The following ZNF568 variants were observed in gnomAD, a reference collection of about 807,000 sequenced individuals.
The protein encoded by ZNF568 is zinc finger protein 568, also known as p53 inhibitor of SCO2 activation.
Under a neutral mutation model 18.1 loss-of-function variants are expected in ZNF568, and 11 were observed. That is an observed-to-expected ratio of 0.61 (90% confidence interval 0.38 to 1.00). The LOEUF is 1.00. ZNF568 is among the 50% of genes least tolerant of loss of function. ZNF568 has a pLI of 0.01. For missense variants in ZNF568, 639 were observed against 768.2 expected (o/e 0.83, Z 1.99); for synonymous variants, 213 against 246.6 (o/e 0.86, Z 1.28).
At chr19:36,994,213 T>A (rs10409468) in intron 4 of ZNF568, among the ~76,000 whole-genome samples, 4,144 of 152,292 alleles carry the variant, frequency 0.027, 167 homozygotes, top group African/African-American at 0.092. Context: ...TTTGTGAATT[T>A]CCCAGATTTC....
At chr19:36,936,647 C>T in intron 4 of ZNF568, 99 bp from the exon 5 acceptor site, 1 of 1,173,620 alleles carries the variant, frequency 8.5e-7, no homozygotes, top group Non-Finnish European at 1.2e-6. Context: ...AGTACTCCTA[C>T]CTCTGACCCC....
intron 6 of ZNF568, among the ~76,000 whole-genome samples, chr19:36,945,205 AG>A (rs1304815851): frequency 6.2e-4 from 84 of 136,174 alleles, no homozygotes; most frequent in Non-Finnish European, 1.1e-3. Flanking sequence ...AGAGACAGAG[AG>A]AGAAGTGTGT....
chr19:36,929,546 G>A (rs1470421642), intron 4 of ZNF568, among the ~76,000 whole-genome samples: 1 of 152,054 alleles, frequency 6.6e-6, no homozygotes. Flanking sequence ...TTAGCCGGGT[G>A]TGGTCGTACA....
chr19:36,985,261 T>C (rs954449461), intron 2 of ZNF568, among the ~76,000 whole-genome samples: 2 of 152,218 alleles, frequency 1.3e-5, no homozygotes, highest in Non-Finnish European at 2.9e-5. Flanking sequence ...TTTTTTGAAA[T>C]CTACTGTCAT....
intron 2 of ZNF568, among the ~76,000 whole-genome samples, chr19:36,919,434 G>A (rs1490404183): frequency 3.3e-5 from 5 of 152,144 alleles, no homozygotes; most frequent in African/African-American, 9.7e-5. Context: ...AATTTTTCCA[G>A]GGACTGGGGG....
chr19:36,942,547 C>T (rs1164506925), intron 6 of ZNF568, among the ~76,000 whole-genome samples: 1 of 139,968 alleles, frequency 7.1e-6, no homozygotes, highest in Non-Finnish European at 1.5e-5. Context: ...TGCAGTGAGC[C>T]GAGATCACGC....
At chr19:36,927,131 G>A (rs1473041823) in intron 4 of ZNF568, among the ~76,000 whole-genome samples, 10 of 151,980 alleles carry the variant, frequency 6.6e-5, no homozygotes, top group South Asian at 6.2e-4. Flanking sequence ...TTTATTTTTT[G>A]TTGTATAGAC....
rs144100886 is a variant in ZNF568, at chr19:36,925,112, A to C, written c.77-88A>C. On this transcript the variant is annotated intron_variant, in intron 3 of 6. Transcript: ENST00000333987. ...TGCTTCAAGGATCATTCATCTGTAG[A>C]GGGTCTTCTAGCCACCTGGTACTGA... The C allele has an allele frequency of 5.6e-3, 6,271 of 1,119,670 alleles. 211 individuals are homozygous for C. In the Admixed American group the frequency reaches 0.063, roughly 11 times the overall value. 69.4% of individuals were successfully genotyped at this position (1,119,670 alleles called of 1,614,324 possible). A position where few individuals can be genotyped will look rare whatever the true frequency, so the allele number is the denominator to read the frequency against.
intron 2 of ZNF568, among the ~76,000 whole-genome samples, chr19:36,989,362 T>C (rs1306189992): frequency 6.6e-6 from 1 of 151,960 alleles, no homozygotes; most frequent in Non-Finnish European, 1.5e-5. Context: ...TTTGTATTTT[T>C]AGTAGAGACA....
Position 36,949,816 on chromosome 19 carries a change from CTTTAA to C in ZNF568, c.664_668del (p.Phe222ValfsTer2). Reference sequence around the variant, plus strand: ...ATTGTGCATCCTATGTTGTAACCCCCTTTAAGTGTAATCAGTGTGGACAAGACTTC... The same window carrying C: ...ATTGTGCATCCTATGTTGTAACCCCCGTGTAATCAGTGTGGACAAGACTTC... On this transcript the variant is annotated frameshift_variant, in exon 7 of 7. Transcript: ENST00000333987. LOFTEE classifies it low-confidence loss of function (END_TRUNC). 1 of 1,613,966 alleles carries C rather than the reference CTTTAA, an allele frequency of 6.2e-7. No homozygotes were observed. Among genetic ancestry groups the C allele is most frequent in the Non-Finnish European group, 8.5e-7 (1 of 1,179,944 alleles).
At chr19:36,932,282 C>T (rs1351670519) in intron 4 of ZNF568, among the ~76,000 whole-genome samples, 1 of 152,150 alleles carries the variant, frequency 6.6e-6, no homozygotes, top group East Asian at 1.9e-4. Context: ...CTATGCTTAA[C>T]CTTTTAAAGA....
At chr19:36,942,019 T>A (rs1310477902) in intron 6 of ZNF568, among the ~76,000 whole-genome samples, 1 of 150,690 alleles carries the variant, frequency 6.6e-6, no homozygotes. Flanking sequence ...GTCTTGCTGT[T>A]GTTGCCCAGG....
chr19:36,928,558 A>G (rs1020592077), intron 4 of ZNF568, among the ~76,000 whole-genome samples: 2 of 152,294 alleles, frequency 1.3e-5, no homozygotes, highest in East Asian at 1.9e-4. Context: ...ATGCCTAGAC[A>G]TAAGTAAGGG....
intron 2 of ZNF568, among the ~76,000 whole-genome samples, chr19:36,918,362 G>C (rs998004617): frequency 1.3e-5 from 2 of 152,164 alleles, no homozygotes; most frequent in Admixed American, 6.5e-5. Context: ...ATCCACAGAT[G>C]CTCAAGTCCC....
chr19:36,978,427 C>G (rs550312575), intron 7 of ZNF568, among the ~76,000 whole-genome samples: 67 of 152,256 alleles, frequency 4.4e-4, no homozygotes, highest in Non-Finnish European at 8.5e-4. Flanking sequence ...CTCAGAAACA[C>G]AGGGTGCAAT....
intron 4 of ZNF568, among the ~76,000 whole-genome samples, chr19:36,928,802 G>A (rs2073629362): frequency 6.6e-6 from 1 of 152,076 alleles, no homozygotes; most frequent in Non-Finnish European, 1.5e-5. Flanking sequence ...AATGTATGTG[G>A]TGTACATGGG....
At chr19:36,918,093 C>T (rs986445281) in intron 2 of ZNF568, among the ~76,000 whole-genome samples, 4 of 152,098 alleles carry the variant, frequency 2.6e-5, no homozygotes, top group African/African-American at 4.8e-5. Context: ...GGACTACAGA[C>T]GCGCCACCAC....
At position 36,970,864 on chromosome 19, in the gene ZNF568, A is replaced by G. The variant is rs995175248; in HGVS notation, c.359-3556A>G. Among the ~76,000 whole-genome samples, 62 of 152,286 alleles carry G rather than the reference A, an allele frequency of 4.1e-4. 1 individual carries two copies. Among genetic ancestry groups the G allele is most frequent in the African/African-American group, 1.3e-3 (56 of 41,552 alleles). On this transcript the variant is annotated intron_variant, in intron 6 of 7. Coordinates refer to the ZNF568 transcript ENST00000427117. ...CTGTTCAGATTTTCTACTTCTTAGT[A>G]GAAATCAGTGATTTAAATTTCATTA...
At chr19:36,971,822 C>T (rs1454833673) in intron 6 of ZNF568, among the ~76,000 whole-genome samples, 3 of 150,676 alleles carry the variant, frequency 2.0e-5, no homozygotes, top group Non-Finnish European at 4.4e-5. Flanking sequence ...CAGGCGCGAG[C>T]CACTGCGCCT....
Sources: gnomAD v4.1 joint callset for allele counts (sites outside exome capture counted in the v4.1 genomes callset) on GRCh38, gnomAD v4.1.1 for gene constraint, MANE v1.5 for transcripts, NCBI Gene and HGNC (gene_info 2026-07-23, HGNC 2026-07-21) for gene names.